The following RIMS1 variants were observed in gnomAD, a reference collection of about 807,000 sequenced individuals.
RIMS1 encodes regulating synaptic membrane exocytosis protein 1.
A neutral mutation model predicts 214.1 loss-of-function variants in RIMS1; 83 were observed. The ratio of observed to expected loss-of-function variants is 0.39; its 90% CI spans 0.32 to 0.47. The LOEUF is 0.47. Among genes scored for constraint, RIMS1 ranks in the 20% least tolerant of loss-of-function variants. RIMS1 has a pLI of 0.99. For missense variants in RIMS1, 2,050 were observed against 2,161.8 expected (o/e 0.95, Z 1.03); for synonymous variants, 793 against 786.8 (o/e 1.01, Z -0.13).
intron 1 of RIMS1, among the ~76,000 whole-genome samples, chr6:71,910,199 G>A (rs1776465519): frequency 6.6e-6 from 1 of 151,978 alleles, no homozygotes; most frequent in Admixed American, 6.6e-5. Context: ...CCCATTTAAC[G>A]TAATGTCTGT....
chr6:72,207,673 G>A (rs2496531), intron 6 of RIMS1, among the ~76,000 whole-genome samples: 107,692 of 151,914 alleles, frequency 0.71, 38,515 homozygotes, highest in East Asian at 0.84. Context: ...TCAAAGGGAA[G>A]AAACTAACTA....
At chr6:72,258,898 A>G (rs2076908842) in intron 17 of RIMS1, 88 bp from the exon 18 acceptor site, 4 of 1,225,672 alleles carry the variant, frequency 3.3e-6, no homozygotes, top group Admixed American at 1.7e-5. Context: ...TTATTTGCAT[A>G]TTACTCTCAG....
intron 6 of RIMS1, among the ~76,000 whole-genome samples, chr6:72,211,884 G>A (rs1057465456): frequency 2.0e-5 from 3 of 151,994 alleles, no homozygotes; most frequent in Admixed American, 2.0e-4. Flanking sequence ...TTAGGTTAGT[G>A]ACTTAGGAAT....
intron 2 of RIMS1, among the ~76,000 whole-genome samples, chr6:72,048,189 T>C (rs1823602733): frequency 1.3e-5 from 2 of 152,286 alleles, no homozygotes; most frequent in South Asian, 2.1e-4. Flanking sequence ...GTGGCAAATA[T>C]AACAAGAGCT....
intron 6 of RIMS1, among the ~76,000 whole-genome samples, chr6:72,197,696 CAAGCCAGGAAATA>C (rs1215495627): frequency 6.6e-6 from 1 of 151,940 alleles, no homozygotes; most frequent in Non-Finnish European, 1.5e-5. Context: ...GGCAATTCTC[CAAGCCAGGAAATA>C]AAATAACCTG....
At chr6:72,161,964 A>G (rs1293047713) in intron 4 of RIMS1, among the ~76,000 whole-genome samples, 1 of 140,502 alleles carries the variant, frequency 7.1e-6, no homozygotes, top group Non-Finnish European at 1.6e-5. Flanking sequence ...TGTCTTGTTG[A>G]CCTGTCAATT....
At chr6:72,373,691 A>T (rs1050761510) in intron 29 of RIMS1, among the ~76,000 whole-genome samples, 7 of 151,438 alleles carry the variant, frequency 4.6e-5, no homozygotes, top group African/African-American at 1.7e-4. Context: ...GCTTAGGCAC[A>T]TTTTTTTTTC....
At chr6:71,909,583 A>G (rs950473775) in intron 1 of RIMS1, among the ~76,000 whole-genome samples, 18 of 152,168 alleles carry the variant, frequency 1.2e-4, no homozygotes, top group Non-Finnish European at 2.4e-4. Flanking sequence ...TTAATTAATT[A>G]CTTAATTAAA....
At chr6:72,283,946 TA>T in intron 23 of RIMS1, 100 bp from the exon 24 acceptor site, 1 of 834,622 alleles carries the variant, frequency 1.2e-6, no homozygotes, top group Non-Finnish European at 2.0e-6. Flanking sequence ...ATCATTTAGG[TA>T]ATATAGTTGC....
intron 4 of RIMS1, among the ~76,000 whole-genome samples, chr6:72,147,428 G>T (rs1052228094): frequency 6.6e-6 from 1 of 152,176 alleles, no homozygotes; most frequent in Non-Finnish European, 1.5e-5. Flanking sequence ...GGCCTAATAA[G>T]CAGGCATATC....
At chr6:71,989,555 T>A (rs1263819649) in intron 2 of RIMS1, among the ~76,000 whole-genome samples, 1 of 152,174 alleles carries the variant, frequency 6.6e-6, no homozygotes, top group African/African-American at 2.4e-5. Flanking sequence ...ATGAGAAAAA[T>A]TACAATTACA....
intron 16 of RIMS1, among the ~76,000 whole-genome samples, chr6:72,257,197 G>GTTT (rs66601335): frequency 1.3e-5 from 2 of 148,278 alleles, no homozygotes; most frequent in Non-Finnish European, 3.0e-5. Flanking sequence ...TGTAAATATA[G>GTTT]TTTTTTTTTT....
At chr6:72,039,103 C>T (rs778973725) in intron 2 of RIMS1, among the ~76,000 whole-genome samples, 2 of 152,076 alleles carry the variant, frequency 1.3e-5, no homozygotes, top group Non-Finnish European at 2.9e-5. Flanking sequence ...TTTGAATGCT[C>T]TTTTGTTTGT....
chr6:72,320,159 G>C (rs2096068273), intron 28 of RIMS1, among the ~76,000 whole-genome samples: 1 of 152,118 alleles, frequency 6.6e-6, no homozygotes, highest in Non-Finnish European at 1.5e-5. Flanking sequence ...CACTTGAAGA[G>C]TTCAGTTTTA....
intron 29 of RIMS1, among the ~76,000 whole-genome samples, chr6:72,372,024 A>G (rs1337905606): frequency 2.0e-5 from 3 of 152,196 alleles, no homozygotes; most frequent in Non-Finnish European, 4.4e-5. Flanking sequence ...CAGAATGTGG[A>G]GTATTAGAAT....
intron 26 of RIMS1, among the ~76,000 whole-genome samples, chr6:72,294,533 C>G (rs1383230157): frequency 6.6e-6 from 1 of 151,660 alleles, no homozygotes; most frequent in Non-Finnish European, 1.5e-5. Flanking sequence ...TACTGATACA[C>G]CTTCTTGAGG....
chr6:72,180,508 G>T (rs1211943621), intron 5 of RIMS1, among the ~76,000 whole-genome samples: 6 of 152,184 alleles, frequency 3.9e-5, no homozygotes, highest in Non-Finnish European at 8.8e-5. Context: ...CTGGTGAGGT[G>T]GTGAAGGGAC....
intron 6 of RIMS1, among the ~76,000 whole-genome samples, chr6:72,224,730 G>C (rs2059662622): frequency 6.6e-6 from 1 of 152,086 alleles, no homozygotes; most frequent in South Asian, 2.1e-4. Context: ...TGTTGATATT[G>C]CTTCTTTATC....
At chr6:72,334,867 C>G (rs1406663231) in intron 29 of RIMS1, among the ~76,000 whole-genome samples, 2 of 151,912 alleles carry the variant, frequency 1.3e-5, no homozygotes, top group Non-Finnish European at 2.9e-5. Context: ...CTTAGAATAG[C>G]TAGCATCCCT....
Sources: gnomAD v4.1 joint callset for allele counts (sites outside exome capture counted in the v4.1 genomes callset) on GRCh38, gnomAD v4.1.1 for gene constraint, MANE v1.5 for transcripts, NCBI Gene and HGNC (gene_info 2026-07-23, HGNC 2026-07-21) for gene names.